The following BARX2 variants were observed in gnomAD, a reference collection of about 807,000 sequenced individuals.
BARX2 encodes BARX homeobox 2.
In BARX2, 11 loss-of-function variants were observed where a neutral mutation model predicts 25.5. That is an observed-to-expected ratio of 0.43 (90% confidence interval 0.27 to 0.71). BARX2 has a LOEUF of 0.71. Among genes scored for constraint, BARX2 ranks in the 30% least tolerant of loss-of-function variants. The probability of loss-of-function intolerance (pLI) is 0.19; values close to 1 mark genes in which losing one functional copy is unlikely to be tolerated. For synonymous variants in BARX2, 137 were observed against 149.5 expected, an observed-to-expected ratio of 0.92 and a Z score of 0.61; for missense variants, 360 against 359.9, an observed-to-expected ratio of 1.00 and a Z score of 0.00.
chr11:129,419,874 G>A (rs538644413), intron 1 of BARX2, among the ~76,000 whole-genome samples: 81 of 152,038 alleles, frequency 5.3e-4, no homozygotes, highest in African/African-American at 1.9e-3. Context: ...TCCGCCTCCC[G>A]GGTTCAAGCG....
chr11:129,399,193 C>T (rs1391158307), intron 1 of BARX2, among the ~76,000 whole-genome samples: 3 of 152,146 alleles, frequency 2.0e-5, no homozygotes, highest in African/African-American at 4.8e-5. Flanking sequence ...ATTGTAGGCT[C>T]TCTGGGAGTG....
At chr11:129,442,367 G>C (rs1862271459) in intron 2 of BARX2, among the ~76,000 whole-genome samples, 1 of 152,178 alleles carries the variant, frequency 6.6e-6, no homozygotes, top group African/African-American at 2.4e-5. Context: ...AGGGTGCAGA[G>C]GAGACGAGCT....
chr11:129,436,889 A>G lies in BARX2; in HGVS notation c.326A>G (p.Glu109Gly), dbSNP rs761776033. ...CHQVTEAVSAEAPGGEALASS... is the reference protein window; with the variant it reads ...CHQVTEAVSAGAPGGEALASS... ...CAGGTCACCGAGGCGGTCTCTGCTG[A>G]GGCCCCAGGGGGCGAGGCCCTAGCC... The change falls in exon 2 of 4, where the codon GAG (glutamate) becomes GGG (glycine). Residue 109 changes from glutamate (E) to glycine (G), a missense_variant. Glu to Gly is a moderately conservative substitution (Grantham distance 98, BLOSUM62 -2). Transcript: ENST00000281437. This position sits in a 1 kb window ranked among gnomAD's most constrained non-coding sequence, Gnocchi z 4.5. 4.3e-6 allele frequency: 7 copies of G among 1,613,986 alleles called. No homozygotes were observed. Among genetic ancestry groups the G allele is most frequent in the Non-Finnish European group, 5.9e-6 (7 of 1,179,948 alleles).
chr11:129,439,197 G>C (rs1465397587), intron 2 of BARX2, among the ~76,000 whole-genome samples: 1 of 152,174 alleles, frequency 6.6e-6, no homozygotes, highest in African/African-American at 2.4e-5. Context: ...GACCAGTTAG[G>C]AGAGAATCCA....
chr11:129,389,396 G>C lies in BARX2; in HGVS notation c.187+13174G>C, dbSNP rs375693466. Among the ~76,000 whole-genome samples, 7 of 152,086 alleles carry C rather than the reference G, an allele frequency of 4.6e-5. No individual in the cohort carries two copies. The East Asian group carries it at 5.8e-4, about 13-fold the overall frequency. On this transcript the variant is annotated intron_variant, in intron 1 of 3. Transcript: ENST00000281437. Reference sequence around the variant, plus strand: ...TGCTTTTAAGACCCCTTGCAACCTGGGTGGTCTGTGAATTGTTTGAGTTCA... The same window carrying C: ...TGCTTTTAAGACCCCTTGCAACCTGCGTGGTCTGTGAATTGTTTGAGTTCA...
At chr11:129,413,905 C>T (rs1024402092) in intron 1 of BARX2, among the ~76,000 whole-genome samples, 23 of 151,774 alleles carry the variant, frequency 1.5e-4, no homozygotes, top group Middle Eastern at 3.4e-3. Context: ...CTACTAAATA[C>T]AAAAACAAAA....
intron 1 of BARX2, among the ~76,000 whole-genome samples, chr11:129,399,321 T>C (rs574404309): frequency 6.6e-6 from 1 of 152,276 alleles, no homozygotes; most frequent in South Asian, 2.1e-4. Flanking sequence ...CAAGTTTGAC[T>C]TTAGGTTGGC....
At chr11:129,431,646 A>G (rs1404820666) in intron 1 of BARX2, among the ~76,000 whole-genome samples, 1 of 152,196 alleles carries the variant, frequency 6.6e-6, no homozygotes, top group Non-Finnish European at 1.5e-5. Context: ...TTAATTGTCA[A>G]ACTTTGAGAG....
In BARX2 at chr11:129,376,304, C is replaced by A; in HGVS notation, c.187+82C>A. ...TGGCCTGTGCTTTGCGATCCGAGGG[C>A]GAGAGGAAGGGTTAAGTTAAGGGAT... On this transcript the variant is annotated intron_variant, in intron 1 of 3. Transcript: ENST00000281437. This position sits in a 1 kb window ranked among gnomAD's most constrained non-coding sequence, Gnocchi z 4.2. 2.3e-6 allele frequency: 3 copies of A among 1,310,610 alleles called. No homozygotes were observed. Among genetic ancestry groups the A allele is most frequent in the Non-Finnish European group, 3.1e-6 (3 of 959,386 alleles). 81.2% of individuals were successfully genotyped at this position (1,310,610 alleles called of 1,614,324 possible). A position where few individuals can be genotyped will look rare whatever the true frequency, so the allele number is the denominator to read the frequency against.
chr11:129,446,470 T>C (rs1351880003), intron 3 of BARX2, among the ~76,000 whole-genome samples: 1 of 152,236 alleles, frequency 6.6e-6, no homozygotes, highest in Non-Finnish European at 1.5e-5. Flanking sequence ...TAGGGTTGTG[T>C]TATTAACTGA....
intron 1 of BARX2, among the ~76,000 whole-genome samples, chr11:129,385,669 AATTT>A (rs1861610644): frequency 6.6e-6 from 1 of 152,112 alleles, no homozygotes; most frequent in Non-Finnish European, 1.5e-5. Flanking sequence ...TTTCCTATGT[AATTT>A]ATTTATTTAT....
chr11:129,431,906 G>A (rs1011245689), intron 1 of BARX2, among the ~76,000 whole-genome samples: 1 of 151,716 alleles, frequency 6.6e-6, no homozygotes, highest in African/African-American at 2.4e-5. Context: ...TTATAGGTTT[G>A]TGTTTCTACT....
chr11:129,403,475 C>T (rs1256539314), intron 1 of BARX2, among the ~76,000 whole-genome samples: 3 of 152,180 alleles, frequency 2.0e-5, no homozygotes, highest in African/African-American at 7.2e-5. Context: ...ATACCGTAGG[C>T]CACAGTCCCC....
At chr11:129,429,366 T>TA (rs550233611) in intron 1 of BARX2, among the ~76,000 whole-genome samples, 221 of 150,854 alleles carry the variant, frequency 1.5e-3, no homozygotes, top group African/African-American at 5.1e-3. Context: ...ACCCTGCCTC[T>TA]AAAAAAAAAT....
intron 2 of BARX2, 151 bp downstream of exon 2, chr11:129,437,202 G>T (rs1246350671): frequency 1.1e-6 from 1 of 941,252 alleles, no homozygotes; most frequent in South Asian, 3.3e-5. Flanking sequence ...CTCAACCTTG[G>T]TTAACAGAAC....
At chr11:129,375,515 G>A (rs2135379586), upstream of BARX2, among the ~76,000 whole-genome samples, 1 of 152,254 alleles carries the variant, frequency 6.6e-6, no homozygotes, top group South Asian at 2.1e-4. The surrounding 1 kb of genome is among the most constrained non-coding windows in gnomAD (Gnocchi z 4.0). Context: ...CCTGGGCCTT[G>A]GCCGCGGGCT....
intron 3 of BARX2, among the ~76,000 whole-genome samples, chr11:129,446,952 A>G (rs947848854): frequency 2.0e-5 from 3 of 152,186 alleles, no homozygotes; most frequent in African/African-American, 7.2e-5. Flanking sequence ...ACCCCCACTA[A>G]TAAGTCTACT....
chr11:129,418,790 A>T (rs1861972103), intron 1 of BARX2, among the ~76,000 whole-genome samples: 1 of 152,188 alleles, frequency 6.6e-6, no homozygotes, highest in African/African-American at 2.4e-5. Context: ...ACACCCTACA[A>T]GGTTTTAACT....
intron 1 of BARX2, among the ~76,000 whole-genome samples, chr11:129,402,961 A>G (rs1861792998): frequency 1.3e-5 from 2 of 152,246 alleles, no homozygotes; most frequent in Non-Finnish European, 2.9e-5. Flanking sequence ...CACACAGTGA[A>G]GAAGGTATTC....
Sources: allele counts gnomAD v4.1 joint callset (sites outside exome capture counted in the v4.1 genomes callset), GRCh38; gene constraint gnomAD v4.1.1; non-coding constraint Gnocchi (gnomAD v3.1); transcripts MANE v1.5; gene names NCBI Gene and HGNC (gene_info 2026-07-23, HGNC 2026-07-21).